Variants in FXR2 observed in about 807,000 individuals in gnomAD.
FXR2 encodes the protein FMR1 autosomal homolog 2.
Under a neutral mutation model 87.3 loss-of-function variants are expected in FXR2, and 9 were observed. The observed-to-expected ratio is 0.10, with a 90% confidence interval of 0.06 to 0.18. The LOEUF (loss-of-function observed/expected upper bound fraction) is 0.18, where lower values mean the gene tolerates loss of function less well. Ranked by LOEUF, FXR2 falls within the 10% of genes least tolerant of loss-of-function variation. The probability of loss-of-function intolerance (pLI) is 1.00; values close to 1 mark genes in which losing one functional copy is unlikely to be tolerated. For synonymous variants in FXR2, 331 were observed against 328.3 expected (o/e 1.01, Z -0.09); for missense variants, 661 against 893.6 (o/e 0.74, Z 3.32).
At position 7,609,981 on chromosome 17, in the gene FXR2, T is replaced by TATATATACATGCATATGTATAC. The variant is rs1567753919; in HGVS notation, c.82-3833_82-3832insGTATACATATGCATGTATATAT. On this transcript the variant is annotated intron_variant, in intron 1 of 16. Transcript: ENST00000250113. ...ATATATATACATGTATATGTATACA[T>TATATATACATGCATATGTATAC]ATATATATACATGTATATGTATACA... Among the ~76,000 whole-genome samples the TATATATACATGCATATGTATAC allele has an allele frequency of 2.3e-3, 112 of 48,568 alleles. 1 individual carries two copies. Among genetic ancestry groups the TATATATACATGCATATGTATAC allele is most frequent in the African/African-American group, 4.8e-3 (94 of 19,786 alleles). 31.9% of individuals were successfully genotyped at this position (48,568 alleles called of 152,430 possible). A position where few individuals can be genotyped will look rare whatever the true frequency, so the allele number is the denominator to read the frequency against.
rs1325320108 is a variant in FXR2 at position 7,593,110 on chromosome 17, G to T, written c.1402C>A (p.Pro468Thr). 12 of 1,590,898 alleles carry T rather than the reference G, an allele frequency of 7.5e-6. No homozygotes were observed. The highest frequency in any genetic ancestry group is 9.4e-6 in the Non-Finnish European group (11 of 1,169,360). The change falls in exon 13 of 17, where the codon CCT (proline) becomes ACT (threonine). Residue 468 changes from proline to threonine, a missense_variant. Physicochemically the swap from Pro to Thr is conservative, Grantham distance 38. Around this residue, in one of 3 missense-constraint regions of FXR2, gnomAD observed 409 missense variants for 432.0 expected, o/e 0.95. Transcript: ENST00000250113. The surrounding 1 kb of genome is among the most constrained non-coding windows in gnomAD (Gnocchi z 6.1). ...CGGGTTGGGGGATCCCTGTCGCCAG[G>T]CCCAGCTCGGTTGGGCTCCTCTCTC... Reference protein sequence around the residue: ...EKREEPNRAGPGDRDPPTRGE... With the variant: ...EKREEPNRAGTGDRDPPTRGE...
Position 7,614,594 on chromosome 17 carries a change from G to T in FXR2, c.-62C>A. On this transcript the variant is annotated 5_prime_UTR_variant, in exon 1 of 17. Transcript: ENST00000250113. ...TGCAGCAGCAGTCTGAGTGCGGGCC[G>T]GGCCAGGCCCCCGGCGTCTCCCCGG... 9.4e-7 allele frequency: 1 copy of T among 1,063,194 alleles called. No homozygotes were observed. Among genetic ancestry groups the T allele is most frequent in the Non-Finnish European group, 1.2e-6 (1 of 809,412 alleles). 65.9% of individuals were successfully genotyped at this position (1,063,194 alleles called of 1,614,324 possible).
At chr17:7,606,009 T>C (rs1241268069) in intron 2 of FXR2, 88 bp downstream of exon 2, 1 of 862,254 alleles carries the variant, frequency 1.2e-6, no homozygotes, top group Non-Finnish European at 1.9e-6. Flanking sequence ...CCCAACCTAT[T>C]ACATGCCTCA....
intron 7 of FXR2, among the ~76,000 whole-genome samples, chr17:7,600,016 G>C (rs2071740429): frequency 6.6e-6 from 1 of 151,588 alleles, no homozygotes; most frequent in South Asian, 2.1e-4. Context: ...TCCTGCCTCA[G>C]CCTCCCGAGT....
rs1167381561 is a variant in FXR2, at chr17:7,614,442, G to T, written c.81+10C>A. ...AAGGACCGGCGTCCCCAGTCGGCGCGCCGTCTCACCTTGTAGAAGGCCCCG... is the reference window on the plus strand; with the variant it reads ...AAGGACCGGCGTCCCCAGTCGGCGCTCCGTCTCACCTTGTAGAAGGCCCCG... On this transcript the variant is annotated intron_variant, in intron 1 of 16. Coordinates refer to ENST00000250113, the MANE Select transcript of FXR2 (RefSeq NM_004860.4). 6.5e-7 allele frequency: 1 copy of T among 1,526,924 alleles called. No homozygotes were observed. 94.6% of individuals were successfully genotyped at this position (1,526,924 alleles called of 1,614,324 possible).
At chr17:7,600,541 T>C (rs2071746505) in intron 7 of FXR2, among the ~76,000 whole-genome samples, 1 of 152,184 alleles carries the variant, frequency 6.6e-6, no homozygotes. Context: ...CTCACACCTG[T>C]AATCCTAGCA....
chr17:7,609,943 T>C (rs201162358), intron 1 of FXR2, among the ~76,000 whole-genome samples: 24 of 63,038 alleles, frequency 3.8e-4, no homozygotes, highest in African/African-American at 1.2e-3. Context: ...TATATATACA[T>C]GTATATGTAT....
In FXR2 at chr17:7,594,411, T is replaced by C; in HGVS notation, c.911-64A>G. On this transcript the variant is annotated intron_variant, in intron 9 of 16. Coordinates refer to ENST00000250113, the MANE Select transcript of FXR2 (RefSeq NM_004860.4). The surrounding 1 kb of genome is among the most constrained non-coding windows in gnomAD (Gnocchi z 5.1). ...TTTAAGGAAATAAGAATAAAGCTGATACACCGTCTTCCAGCCTCATTTTCT... is the reference window on the plus strand; with the variant it reads ...TTTAAGGAAATAAGAATAAAGCTGACACACCGTCTTCCAGCCTCATTTTCT... 1.0e-6 allele frequency: 1 copy of C among 979,092 alleles called. No individual in the cohort carries two copies. Among genetic ancestry groups the C allele is most frequent in the South Asian group, 1.4e-5 (1 of 71,932 alleles). The allele number at this position is 979,092 out of a possible 1,614,324, so 60.7% of individuals were successfully genotyped here.
intron 1 of FXR2, 104 bp downstream of exon 1, chr17:7,614,348 G>A: frequency 2.4e-6 from 2 of 835,716 alleles, no homozygotes; most frequent in East Asian, 2.7e-5. Flanking sequence ...AAGATTCTAA[G>A]GGCCAGGACT....
chr17:7,591,925 C>T lies in FXR2; in HGVS notation c.1927G>A (p.Gly643Ser). Residue 643 changes from glycine to serine, a missense_variant and splice_region_variant, in exon 17 of 17, where the codon GGT becomes AGT. Around this residue, in one of 3 missense-constraint regions of FXR2, gnomAD observed 409 missense variants for 432.0 expected, o/e 0.95. Coordinates refer to ENST00000250113, the MANE Select transcript of FXR2 (RefSeq NM_004860.4). The surrounding 1 kb of genome is among the most constrained non-coding windows in gnomAD (Gnocchi z 4.0). ...PSEDSLSGQK[G>S]DSVSKLPKGP... is the part of the protein sequence containing the mutation. ...TTAGGAAGCTTGCTGACAGAGTCAC[C>T]CTGAGGGGAAAGTGGGAAAGAAAAC... 1 of 1,561,292 alleles carries T rather than the reference C, an allele frequency of 6.4e-7. No individual in the cohort carries two copies. The highest frequency in any genetic ancestry group is 8.8e-7 in the Non-Finnish European group (1 of 1,134,250).
Position 7,601,482 on chromosome 17 carries a change from T to C in FXR2, c.587A>G (p.Asp196Gly). 6.2e-7 allele frequency: 1 copy of C among 1,613,272 alleles called. No homozygotes were observed. The highest frequency in any genetic ancestry group is 8.5e-7 in the Non-Finnish European group (1 of 1,179,444). ...APVKRASLLG[D>G]MHFRSLRTKL... is the part of the protein sequence containing the mutation. ...GGTGCGCAGGCTTCGGAAATGCATA[T>C]CACCCAGCAGAGATGCTCGCTTCAC... Residue 196 changes from aspartate to glycine, a missense_variant, in exon 7 of 17, where the codon GAT becomes GGT. Coordinates refer to ENST00000250113, the MANE Select transcript of FXR2 (RefSeq NM_004860.4).
intron 1 of FXR2, chr17:7,613,848 G>A (rs900413325): frequency 5.7e-6 from 2 of 348,796 alleles, no homozygotes; most frequent in African/African-American, 4.3e-5. Flanking sequence ...GGCTGGCTGG[G>A]AAGCAACTTG....
intron 7 of FXR2, among the ~76,000 whole-genome samples, chr17:7,599,213 C>T (rs573807824): frequency 1.5e-3 from 222 of 151,662 alleles, no homozygotes; most frequent in Non-Finnish European, 2.5e-3. Context: ...GTGAGAGGAT[C>T]ACTTGAGCTC....
intron 7 of FXR2, among the ~76,000 whole-genome samples, chr17:7,596,751 T>A (rs569411314): frequency 6.6e-6 from 1 of 152,348 alleles, no homozygotes; most frequent in East Asian, 1.9e-4. Flanking sequence ...AAGGAACTCT[T>A]ACCTTAATCA....
intron 7 of FXR2, among the ~76,000 whole-genome samples, chr17:7,596,895 G>C (rs2071712071): frequency 6.6e-6 from 1 of 152,146 alleles, no homozygotes; most frequent in East Asian, 1.9e-4. Flanking sequence ...AAGGTCAGGA[G>C]ATCAAGACCA....
At chr17:7,607,515 C>A (rs1219507812) in intron 1 of FXR2, among the ~76,000 whole-genome samples, 4 of 151,944 alleles carry the variant, frequency 2.6e-5, no homozygotes, top group Non-Finnish European at 4.4e-5. Flanking sequence ...GCAACCTCCA[C>A]CCCCCGGGTT....
rs141554491 is a variant in FXR2 at position 7,605,882 on chromosome 17, T to G, written c.135-144A>C. 1.5e-5 allele frequency: 10 copies of G among 659,320 alleles called. No individual in the cohort carries two copies. The East Asian group carries it at 2.4e-4, about 16-fold the overall frequency. The allele number at this position is 659,320 out of a possible 1,614,324, so 40.8% of individuals were successfully genotyped here. A position where few individuals can be genotyped will look rare whatever the true frequency, so the allele number is the denominator to read the frequency against. On this transcript the variant is annotated intron_variant, in intron 2 of 16. Transcript: ENST00000250113. ...AACCCCAGGCCCTGCTCCATAGTAG[T>G]GTCTTCCATCTCTTTCTAGACTCTA...
intron 7 of FXR2, 146 bp from the exon 8 acceptor site, chr17:7,596,140 T>C (rs911078949): frequency 3.0e-6 from 2 of 659,264 alleles, no homozygotes; most frequent in African/African-American, 3.6e-5. Context: ...CACGAGGACC[T>C]GTGTGGAAAG....
At chr17:7,609,959 T>TATATACACATGCATATGTATAC (rs2071841005) in intron 1 of FXR2, among the ~76,000 whole-genome samples, 3 of 101,688 alleles carry the variant, frequency 3.0e-5, no homozygotes, top group Admixed American at 1.9e-4. Flanking sequence ...TGTATACATA[T>TATATACACATGCATATGTATAC]ATATACATGT....
Sources: allele counts gnomAD v4.1 joint callset (sites outside exome capture counted in the v4.1 genomes callset), GRCh38; gene constraint gnomAD v4.1.1; regional missense constraint gnomAD v4.1.1; non-coding constraint Gnocchi (gnomAD v3.1); transcripts MANE v1.5; gene names NCBI Gene and HGNC (gene_info 2026-07-23, HGNC 2026-07-21).